Variants in DCTD observed in about 807,000 individuals in gnomAD.
DCTD encodes the protein deoxycytidylate deaminase.
A neutral mutation model predicts 21.0 loss-of-function variants in DCTD; 23 were observed. That is an observed-to-expected ratio of 1.09 (90% CI 0.79 to 1.55). The LOEUF (loss-of-function observed/expected upper bound fraction) is 1.55. Among genes scored for constraint, DCTD ranks in the 40% most tolerant of loss-of-function variants. DCTD has a pLI of 0.00. For missense variants in DCTD, 224 were observed against 230.0 expected, an observed-to-expected ratio of 0.97 and a Z score of 0.17; for synonymous variants, 71 against 81.1, an observed-to-expected ratio of 0.88 and a Z score of 0.67.
intron 1 of DCTD, 29 bp from the exon 2 acceptor site, chr4:182,915,604 T>C (rs375369534): frequency 1.2e-5 from 17 of 1,421,290 alleles, no homozygotes; most frequent in Admixed American, 1.0e-4. Flanking sequence ...AAAACAGAAG[T>C]TGAGAGAAGC....
intron 1 of DCTD, chr4:182,916,261 G>T: frequency 2.1e-6 from 1 of 465,648 alleles, no homozygotes; most frequent in Non-Finnish European, 2.8e-6. Flanking sequence ...TACTCCTAAA[G>T]CAAGGTTTTT....
At chr4:182,905,432 A>T (rs1035005500) in intron 3 of DCTD, among the ~76,000 whole-genome samples, 17 of 150,582 alleles carry the variant, frequency 1.1e-4, no homozygotes, top group Non-Finnish European at 2.5e-4. Context: ...AGTTTCAAGC[A>T]ATTCTCCTGC....
intron 5 of DCTD, 114 bp downstream of exon 5, chr4:182,892,916 TA>T: frequency 1.5e-6 from 1 of 675,516 alleles, no homozygotes; most frequent in Non-Finnish European, 2.7e-6. Context: ...CTTGCATTTC[TA>T]AAGACACCTC....
chr4:182,903,334 C>T (rs1364683038), intron 3 of DCTD, among the ~76,000 whole-genome samples: 1 of 152,168 alleles, frequency 6.6e-6, no homozygotes, highest in East Asian at 1.9e-4. Flanking sequence ...GACACTCCTG[C>T]CCCCAGCCCA....
intron 3 of DCTD, among the ~76,000 whole-genome samples, chr4:182,897,754 C>A (rs528210001): frequency 6.6e-6 from 1 of 152,322 alleles, no homozygotes; most frequent in Admixed American, 6.5e-5. Context: ...ACAGGCTTGC[C>A]CGACCCGCAC....
chr4:182,913,945 G>C (rs1561346811), intron 3 of DCTD, among the ~76,000 whole-genome samples: 2 of 151,984 alleles, frequency 1.3e-5, no homozygotes, highest in Non-Finnish European at 2.9e-5. Flanking sequence ...CAAGCCAAAG[G>C]TTTACAGTTC....
intron 3 of DCTD, chr4:182,911,490 C>A (rs1436101741): frequency 3.3e-5 from 5 of 152,130 alleles, no homozygotes; most frequent in African/African-American, 1.2e-4. Flanking sequence ...TTATCGGAGC[C>A]TCAGTCTGAT....
chr4:182,901,702 T>A (rs144642307), intron 3 of DCTD, among the ~76,000 whole-genome samples: 41 of 152,186 alleles, frequency 2.7e-4, no homozygotes, highest in African/African-American at 8.9e-4. Context: ...CCTCTATTAT[T>A]TCTACTGGGT....
intron 3 of DCTD, 132 bp downstream of exon 3, chr4:182,914,791 G>T: frequency 9.9e-7 from 1 of 1,009,364 alleles, no homozygotes. Flanking sequence ...GGAAATTGGG[G>T]TAGTTCAGTA....
At position 182,906,245 on chromosome 4, in the gene DCTD, T is replaced by C. The variant is rs547399519; in HGVS notation, c.244+8678A>G. ...GCTCTGGAGGCTGGGACGTCCGAGA[T>C]CAAGGGGCTGGCAGATTCGGGGTCT... On this transcript the variant is annotated intron_variant, in intron 3 of 5. Transcript: ENST00000438320. 2.0e-5 allele frequency among the ~76,000 whole-genome samples: 3 copies of C among 152,092 alleles called. No individual in the cohort carries two copies. The East Asian group carries it at 5.8e-4, about 29-fold the overall frequency.
intron 3 of DCTD, among the ~76,000 whole-genome samples, chr4:182,910,076 GC>G (rs1339129513): frequency 1.3e-5 from 2 of 152,086 alleles, no homozygotes; most frequent in Non-Finnish European, 2.9e-5. Flanking sequence ...TCAGAGTGAG[GC>G]CTCCCCCGAC....
chr4:182,891,499 AATTATTATCTGGTG>A (rs1448000167), intron 5 of DCTD, 22 bp from the exon 6 acceptor site: 2 of 1,518,808 alleles, frequency 1.3e-6, no homozygotes, highest in Non-Finnish European at 1.8e-6. Context: ...AACAAAATAC[AATTATTATCTGGTG>A]AGTAGTGAAA....
At chr4:182,904,948 G>C (rs191299091) in intron 3 of DCTD, among the ~76,000 whole-genome samples, 8 of 152,236 alleles carry the variant, frequency 5.3e-5, no homozygotes, top group Admixed American at 5.2e-4. Flanking sequence ...TCTCTGTCTT[G>C]GACTATTCCC....
In DCTD at chr4:182,915,030, T is replaced by C; in HGVS notation, c.137A>G (p.Asn46Ser). 1.9e-6 allele frequency: 3 copies of C among 1,614,188 alleles called. No individual in the cohort carries two copies. Among genetic ancestry groups the C allele is most frequent in the African/African-American group, 1.3e-5 (1 of 75,042 alleles). Residue 46 changes from asparagine (N) to serine (S), a missense_variant, in exon 3 of 6, where the codon AAC becomes AGC. Physicochemically the swap from Asn to Ser is conservative, Grantham distance 46. Coordinates refer to ENST00000438320, the MANE Select transcript of DCTD (RefSeq NM_001921.3). ...ATTGTACCCAATCCCGACAATCTTG[T>C]TTTCTGAATTCACGATGCAGGCGCC... The part of the protein sequence containing the change: ...QVGACIVNSE[N>S]KIVGIGYNGM...
At chr4:182,893,402 C>T (rs920233266) in intron 4 of DCTD, among the ~76,000 whole-genome samples, 26 of 152,142 alleles carry the variant, frequency 1.7e-4, no homozygotes, top group African/African-American at 6.3e-4. Context: ...ATCCGATTAA[C>T]CAATTTCCCT....
intron 3 of DCTD, among the ~76,000 whole-genome samples, chr4:182,913,121 A>G (rs1021025673): frequency 6.6e-6 from 1 of 152,206 alleles, no homozygotes; most frequent in African/African-American, 2.4e-5. Flanking sequence ...CTTAAAAACA[A>G]CTAATCACTT....
At chr4:182,910,113 T>A (rs1454390446) in intron 3 of DCTD, among the ~76,000 whole-genome samples, 4 of 152,082 alleles carry the variant, frequency 2.6e-5, no homozygotes, top group African/African-American at 9.7e-5. Context: ...GATGCTACGG[T>A]TCCCTCCCTG....
At chr4:182,915,714 G>A in intron 1 of DCTD, 139 bp from the exon 2 acceptor site, 1 of 770,042 alleles carries the variant, frequency 1.3e-6, no homozygotes. Flanking sequence ...AGAAATCACA[G>A]CACATGGGCC....
chr4:182,906,059 C>T (rs898090261), intron 3 of DCTD, among the ~76,000 whole-genome samples: 5 of 152,096 alleles, frequency 3.3e-5, no homozygotes, highest in African/African-American at 4.8e-5. Context: ...CCAAGGCCCT[C>T]GCATCGTACA....
Sources: gnomAD v4.1 joint callset for allele counts (sites outside exome capture counted in the v4.1 genomes callset) on GRCh38, gnomAD v4.1.1 for gene constraint, MANE v1.5 for transcripts, NCBI Gene and HGNC (gene_info 2026-07-23, HGNC 2026-07-21) for gene names.